The following ZC3H12B variants were observed in gnomAD, a reference collection of about 807,000 sequenced individuals.
ZC3H12B encodes probable ribonuclease ZC3H12B.
Under a neutral mutation model 43.9 loss-of-function variants are expected in ZC3H12B, and 7 were observed. The observed-to-expected ratio is 0.16, with a 90% confidence interval of 0.09 to 0.30. The LOEUF (loss-of-function observed/expected upper bound fraction) is 0.30. Ranked by LOEUF, ZC3H12B falls within the 10% of genes least tolerant of loss-of-function variation. The pLI, the probability that ZC3H12B is intolerant of heterozygous loss-of-function variation, is 1.00. For synonymous variants in ZC3H12B, 222 were observed against 241.7 expected (o/e 0.92, Z 0.76); for missense variants, 475 against 670.2 (o/e 0.71, Z 3.22).
chrX:65,475,531 A>G (rs765295473), intron 3 of ZC3H12B, among the ~76,000 whole-genome samples: 1 of 111,597 alleles, frequency 9.0e-6, no homozygotes, highest in South Asian at 3.8e-4. Flanking sequence ...ATAGTCTTAC[A>G]AGGATCCCTT....
At chrX:65,384,631 C>T (rs1027994320) in intron 2 of ZC3H12B, among the ~76,000 whole-genome samples, 23 of 111,061 alleles carry the variant, frequency 2.1e-4, no homozygotes, top group Non-Finnish European at 3.0e-4. Flanking sequence ...TAATTCTTTG[C>T]TTATCATTGA....
the ZC3H12B span, among the ~76,000 whole-genome samples, chrX:65,206,281 A>G: frequency 3.6e-5 from 4 of 112,157 alleles, no homozygotes; most frequent in Non-Finnish European, 7.5e-5. Flanking sequence ...GGTCATAGTC[A>G]CCAAAACAGC....
chrX:65,442,991 G>A (rs140386519), intron 3 of ZC3H12B, among the ~76,000 whole-genome samples: 2 of 110,788 alleles, frequency 1.8e-5, no homozygotes, highest in East Asian at 5.7e-4. Flanking sequence ...AGAAAGATTT[G>A]GGGGGTCATT....
chrX:65,103,195 C>A, the ZC3H12B span, among the ~76,000 whole-genome samples: 1 of 111,129 alleles, frequency 9.0e-6, no homozygotes, highest in African/African-American at 3.3e-5. Flanking sequence ...ACAGACATTC[C>A]CAGAGTGGCC....
the ZC3H12B span, among the ~76,000 whole-genome samples, chrX:65,187,545 AT>A: frequency 9.0e-6 from 1 of 111,589 alleles, no homozygotes; most frequent in Non-Finnish European, 1.9e-5. Flanking sequence ...GGAAAAAGTG[AT>A]TTGGACAGTA....
chrX:65,067,119 G>C, the ZC3H12B span, among the ~76,000 whole-genome samples: 19 of 110,272 alleles, frequency 1.7e-4, no homozygotes, highest in Non-Finnish European at 5.7e-5. Context: ...TTGACTCCCT[G>C]GCTTCAGCCC....
the ZC3H12B span, among the ~76,000 whole-genome samples, chrX:65,249,687 G>A: frequency 2.0e-4 from 22 of 111,121 alleles, no homozygotes; most frequent in African/African-American, 7.2e-4. Flanking sequence ...CCATCCACGA[G>A]CATGGGATAT....
At chrX:65,382,495 C>G (rs909082102) in intron 2 of ZC3H12B, among the ~76,000 whole-genome samples, 16 of 111,437 alleles carry the variant, frequency 1.4e-4, no homozygotes, top group Non-Finnish European at 2.4e-4. Flanking sequence ...CAGCCAATAT[C>G]ATACTGAATG....
chrX:65,497,246 A>G (rs2068300447), exon 2 of ZC3H12B: 3 of 1,208,359 alleles, frequency 2.5e-6, no homozygotes, highest in Non-Finnish European at 3.4e-6. Context: ...GAAAGGAGCA[A>G]TCCCGCCCTG....
At chrX:65,309,477 C>T in the ZC3H12B span, among the ~76,000 whole-genome samples, 1 of 112,085 alleles carries the variant, frequency 8.9e-6, no homozygotes, top group East Asian at 2.8e-4. Context: ...AGACCAATAA[C>T]AGGCTCTGAA....
chrX:65,378,828 G>A (rs2148002371), intron 2 of ZC3H12B, among the ~76,000 whole-genome samples: 1 of 112,780 alleles, frequency 8.9e-6, no homozygotes, highest in East Asian at 2.8e-4. Flanking sequence ...CCCTTTCCTA[G>A]TCAAAGAAAG....
At chrX:65,466,663 G>A (rs908764063) in intron 3 of ZC3H12B, among the ~76,000 whole-genome samples, 24 of 105,592 alleles carry the variant, frequency 2.3e-4, no homozygotes, top group African/African-American at 7.1e-4. Flanking sequence ...TCCATAAAGC[G>A]TTCCAATTTC....
At chrX:65,367,849 A>C (rs1305847016) in intron 1 of ZC3H12B, among the ~76,000 whole-genome samples, 1 of 111,345 alleles carries the variant, frequency 9.0e-6, no homozygotes, top group East Asian at 2.8e-4. Flanking sequence ...GAAACAACAC[A>C]AAACCCTCAT....
At chrX:65,327,199 A>C in the ZC3H12B span, among the ~76,000 whole-genome samples, 3 of 111,427 alleles carry the variant, frequency 2.7e-5, no homozygotes, top group Non-Finnish European at 5.7e-5. Context: ...AAGTTATGGA[A>C]TCAACCTGTG....
the ZC3H12B span, among the ~76,000 whole-genome samples, chrX:65,338,145 AT>A: frequency 4.3e-4 from 48 of 110,408 alleles, no homozygotes; most frequent in Non-Finnish European, 5.9e-4. Flanking sequence ...GTTAAGTGTT[AT>A]TTTTTTTCTT....
At chrX:65,176,846 A>T in the ZC3H12B span, among the ~76,000 whole-genome samples, 1 of 111,658 alleles carries the variant, frequency 9.0e-6, no homozygotes, top group Admixed American at 9.5e-5. Context: ...ATTCTACCAG[A>T]GGCACAAAGA....
chrX:65,145,235 GTTTTC>G, the ZC3H12B span, among the ~76,000 whole-genome samples: 1 of 43,349 alleles, frequency 2.3e-5, no homozygotes, highest in African/African-American at 5.1e-5. Context: ...GTCCCTCTTC[GTTTTC>G]TTTTTTTTTT....
chrX:65,398,430 G>C (rs6624789), intron 2 of ZC3H12B, among the ~76,000 whole-genome samples, 163 bp from the exon 5 acceptor site: 3,817 of 111,701 alleles, frequency 0.034, 193 homozygotes, highest in African/African-American at 0.12. Flanking sequence ...GTTTCGAATT[G>C]TAATCCCCAT....
At chrX:65,212,836 A>G in the ZC3H12B span, among the ~76,000 whole-genome samples, 1 of 104,604 alleles carries the variant, frequency 9.6e-6, no homozygotes, top group Non-Finnish European at 1.9e-5. Flanking sequence ...TTGTATCTCC[A>G]GCATCTAGCA....
Sources: gnomAD v4.1 joint callset for allele counts (sites outside exome capture counted in the v4.1 genomes callset) on GRCh38, gnomAD v4.1.1 for gene constraint, MANE v1.5 for transcripts, NCBI Gene and HGNC (gene_info 2026-07-23, HGNC 2026-07-21) for gene names.